Variants in EIF4G3 observed in about 807,000 individuals in gnomAD.
EIF4G3 encodes eukaryotic translation initiation factor 4 gamma 3.
Under a neutral mutation model 186.4 loss-of-function variants are expected in EIF4G3, and 34 were observed. That is an observed-to-expected ratio of 0.18 (90% CI 0.14 to 0.24). The LOEUF (loss-of-function observed/expected upper bound fraction) is 0.24. Ranked by LOEUF, EIF4G3 falls within the 10% of genes least tolerant of loss-of-function variation. The pLI is 1.00. For synonymous variants in EIF4G3, 673 were observed against 679.5 expected (o/e 0.99, Z 0.15); for missense variants, 1,536 against 1,948.5 (o/e 0.79, Z 3.99).
intron 4 of EIF4G3, among the ~76,000 whole-genome samples, chr1:21,034,870 G>A (rs2093045721): frequency 6.6e-6 from 1 of 152,146 alleles, no homozygotes; most frequent in Admixed American, 6.5e-5. Context: ...TGGTGGCTGG[G>A]CCTGGGCCCA....
chr1:20,967,195 A>C (rs2074887989), intron 12 of EIF4G3, among the ~76,000 whole-genome samples: 1 of 152,180 alleles, frequency 6.6e-6, no homozygotes, highest in African/African-American at 2.4e-5. Flanking sequence ...AACCAATCAC[A>C]CCCCACAGGG....
At chr1:21,115,819 C>T (rs569544080) in intron 2 of EIF4G3, among the ~76,000 whole-genome samples, 1 of 152,246 alleles carries the variant, frequency 6.6e-6, no homozygotes, top group South Asian at 2.1e-4. Flanking sequence ...TGGGCTCAAA[C>T]GGTCCTCCTG....
chr1:21,097,698 G>A (rs2096408435), intron 2 of EIF4G3, among the ~76,000 whole-genome samples: 1 of 152,150 alleles, frequency 6.6e-6, no homozygotes, highest in South Asian at 2.1e-4. Context: ...AAGGTGCAAA[G>A]GCAATTAAGT....
intron 11 of EIF4G3, among the ~76,000 whole-genome samples, chr1:20,970,331 C>T (rs939477310): frequency 9.9e-5 from 15 of 152,042 alleles, no homozygotes; most frequent in African/African-American, 3.4e-4. Context: ...TATCATACGT[C>T]GGCCAGGCGC....
chr1:21,111,627 G>A (rs940714209), intron 2 of EIF4G3: 6 of 261,002 alleles, frequency 2.3e-5, no homozygotes, highest in South Asian at 8.5e-5. Flanking sequence ...AAGTAGGTCC[G>A]TGGGAGCATG....
At chr1:21,033,822 T>G (rs1022356718) in intron 4 of EIF4G3, among the ~76,000 whole-genome samples, 10 of 152,190 alleles carry the variant, frequency 6.6e-5, no homozygotes, top group Admixed American at 5.2e-4. Context: ...GCGTGATAGC[T>G]TATGCCTGTA....
At chr1:21,042,125 G>A (rs536660531) in intron 4 of EIF4G3, among the ~76,000 whole-genome samples, 4 of 151,902 alleles carry the variant, frequency 2.6e-5, no homozygotes, top group Non-Finnish European at 5.9e-5. Context: ...CAGGTGAGAC[G>A]AGAGGCCCAC....
chr1:21,128,381 G>A (rs1293402621), intron 2 of EIF4G3, among the ~76,000 whole-genome samples: 1 of 151,204 alleles, frequency 6.6e-6, no homozygotes, highest in Non-Finnish European at 1.5e-5. Context: ...GTAGTGGCGG[G>A]TGCCTGTAAT....
intron 30 of EIF4G3, among the ~76,000 whole-genome samples, chr1:20,836,155 T>C (rs1302109144): frequency 6.6e-6 from 1 of 152,164 alleles, no homozygotes; most frequent in Non-Finnish European, 1.5e-5. Flanking sequence ...AGAGTTTTTG[T>C]ATTTTTTGGT....
intron 20 of EIF4G3, among the ~76,000 whole-genome samples, chr1:20,869,547 G>C (rs1460214830): frequency 6.6e-6 from 1 of 151,698 alleles, no homozygotes; most frequent in Non-Finnish European, 1.5e-5. Flanking sequence ...AAGCTGAGGC[G>C]GGTGGATCAC....
At chr1:20,916,744 G>A (rs1334319210) in intron 14 of EIF4G3, among the ~76,000 whole-genome samples, 1 of 152,100 alleles carries the variant, frequency 6.6e-6, no homozygotes, top group Non-Finnish European at 1.5e-5. Flanking sequence ...CGTGTGGTAT[G>A]AGCAACAAGA....
At chr1:21,064,680 A>C (rs2095135627) in intron 3 of EIF4G3, 1 of 152,232 alleles carries the variant, frequency 6.6e-6, no homozygotes, top group Non-Finnish European at 1.5e-5. Flanking sequence ...AGGTTTGTCT[A>C]TTCTACTAAA....
At chr1:20,841,826 T>C (rs1360044347) in intron 29 of EIF4G3, among the ~76,000 whole-genome samples, 3 of 145,058 alleles carry the variant, frequency 2.1e-5, no homozygotes, top group Admixed American at 7.0e-5. Context: ...CACAATCTTT[T>C]GGTTCAACCT....
chr1:20,841,112 A>G (rs1041479881), intron 29 of EIF4G3, 84 bp from the exon 30 acceptor site: 14 of 1,402,768 alleles, frequency 1.0e-5, no homozygotes, highest in East Asian at 7.0e-5. Flanking sequence ...TCTTTTACTT[A>G]CAACAGAATC....
chr1:21,112,940 T>C (rs1374812079), intron 2 of EIF4G3, among the ~76,000 whole-genome samples: 1 of 152,102 alleles, frequency 6.6e-6, no homozygotes, highest in East Asian at 1.9e-4. Context: ...TTCTCAAAGA[T>C]AGCCAACTTA....
chr1:20,917,643 G>A (rs2094032778), intron 14 of EIF4G3, among the ~76,000 whole-genome samples: 1 of 152,140 alleles, frequency 6.6e-6, no homozygotes, highest in Non-Finnish European at 1.5e-5. Context: ...AGGAGGGAGG[G>A]ATTTACAAAA....
intron 2 of EIF4G3, among the ~76,000 whole-genome samples, chr1:21,152,181 A>C (rs1427479266): frequency 6.6e-6 from 1 of 152,000 alleles, no homozygotes. Context: ...CATCACAGAA[A>C]TTCCTTTGGG....
At chr1:21,077,590 A>C (rs1414006636) in intron 3 of EIF4G3, among the ~76,000 whole-genome samples, 1 of 151,542 alleles carries the variant, frequency 6.6e-6, no homozygotes, top group Non-Finnish European at 1.5e-5. Flanking sequence ...ATACAAAAAA[A>C]AAAAAACGGG....
At chr1:21,156,272 T>A (rs1214787835) in intron 2 of EIF4G3, among the ~76,000 whole-genome samples, 1 of 152,110 alleles carries the variant, frequency 6.6e-6, no homozygotes, top group African/African-American at 2.4e-5. Context: ...GCTGCGTTGA[T>A]CCTCCTCTTT....
Sources: allele counts gnomAD v4.1 joint callset (sites outside exome capture counted in the v4.1 genomes callset), GRCh38; gene constraint gnomAD v4.1.1; transcripts MANE v1.5; gene names NCBI Gene and HGNC (gene_info 2026-07-23, HGNC 2026-07-21).